NR4A1: variants seen among roughly 807,000 people sequenced by gnomAD.
The protein encoded by NR4A1 is nuclear receptor subfamily 4immunitygroup A member 1.
Under a neutral mutation model 47.5 loss-of-function variants are expected in NR4A1, and 24 were observed. The observed-to-expected ratio is 0.50, with a 90% confidence interval of 0.37 to 0.71. The LOEUF (loss-of-function observed/expected upper bound fraction) is 0.71. Among genes scored for constraint, NR4A1 ranks in the 30% least tolerant of loss-of-function variants. The probability of loss-of-function intolerance (pLI) is 0.00; values close to 1 mark genes in which losing one functional copy is unlikely to be tolerated. For synonymous variants in NR4A1, 353 were observed against 345.7 expected, an observed-to-expected ratio of 1.02 and a Z score of -0.24; for missense variants, 669 against 788.6, an observed-to-expected ratio of 0.85 and a Z score of 1.82.
intron 2 of NR4A1, among the ~76,000 whole-genome samples, chr12:52,042,243 A>C (rs1938467773): frequency 1.3e-5 from 2 of 152,060 alleles, no homozygotes; most frequent in African/African-American, 4.8e-5. Context: ...TGATTCCAGG[A>C]AGCAGATAGG....
At chr12:52,058,518 C>T (rs1939387840) in intron 6 of NR4A1, 170 bp from the exon 7 acceptor site, 1 of 881,284 alleles carries the variant, frequency 1.1e-6, no homozygotes, top group Non-Finnish European at 1.7e-6. Context: ...GTTACTGCTT[C>T]TCAGACTTGT....
intron 1 of NR4A1, chr12:52,038,782 G>T (rs558577828): frequency 2.6e-6 from 2 of 762,410 alleles, no homozygotes; most frequent in African/African-American, 3.4e-5. Flanking sequence ...CGAGATTAAC[G>T]GTGTGAATGT....
At chr12:52,025,426 T>C (rs572491628) in intron 1 of NR4A1, among the ~76,000 whole-genome samples, 5 of 152,106 alleles carry the variant, frequency 3.3e-5, no homozygotes, top group African/African-American at 1.2e-4. Context: ...ACTTTCCCCA[T>C]CTCAGCGCCT....
intron 1 of NR4A1, among the ~76,000 whole-genome samples, chr12:52,023,389 C>A (rs1474558998): frequency 6.6e-6 from 1 of 152,182 alleles, no homozygotes; most frequent in African/African-American, 2.4e-5. Context: ...GGGGTGGGAG[C>A]GCAGAGGGGG....
chr12:52,049,283 A>G (rs1403647512), upstream of NR4A1, among the ~76,000 whole-genome samples: 1 of 152,240 alleles, frequency 6.6e-6, no homozygotes. Flanking sequence ...AAAATCCCCA[A>G]ATCCCCATAT....
chr12:52,028,022 T>C (rs1430250231), intron 1 of NR4A1, among the ~76,000 whole-genome samples: 1 of 151,766 alleles, frequency 6.6e-6, no homozygotes, highest in Non-Finnish European at 1.5e-5. Context: ...GGCAACATGA[T>C]GAAATCCTGT....
chr12:52,057,069 G>T lies in NR4A1; in HGVS notation c.1171G>T (p.Val391Leu), dbSNP rs1417380498. 1 of 1,603,110 alleles carries T rather than the reference G, an allele frequency of 6.2e-7. No individual in the cohort carries two copies. Among genetic ancestry groups the T allele is most frequent in the South Asian group, 1.1e-5 (1 of 89,150 alleles). The change falls in exon 5 of 7, where the codon GTG becomes TTG. Residue 391 changes from valine (V) to leucine (L), a missense_variant. By Grantham distance (32) the Val-to-Leu change is conservative. Transcript: ENST00000394825. ...KLDYSKFQELVLPHFGKEDAG... is the reference protein window; with the variant it reads ...KLDYSKFQELLLPHFGKEDAG... ...ACCGTCTTCCTAGTTCCAGGAGCTGGTGCTGCCCCACTTTGGGAAGGAAGA... is the reference window on the plus strand; with the variant it reads ...ACCGTCTTCCTAGTTCCAGGAGCTGTTGCTGCCCCACTTTGGGAAGGAAGA...
intron 1 of NR4A1, chr12:52,038,374 T>C: frequency 3.9e-6 from 1 of 255,548 alleles, no homozygotes; most frequent in South Asian, 4.3e-5. Flanking sequence ...GCTCATTCCC[T>C]TTTTATGCCT....
At chr12:52,042,155 C>T (rs537877828) in intron 2 of NR4A1, among the ~76,000 whole-genome samples, 3 of 152,018 alleles carry the variant, frequency 2.0e-5, no homozygotes, top group African/African-American at 7.3e-5. Context: ...GCAGGATAGG[C>T]TGGAGGGCTC....
chr12:52,047,762 C>T (rs1198777901), upstream of NR4A1, among the ~76,000 whole-genome samples: 1 of 152,214 alleles, frequency 6.6e-6, no homozygotes, highest in Non-Finnish European at 1.5e-5. Context: ...TATGGGTGGG[C>T]CTACCCCACA....
intron 1 of NR4A1, among the ~76,000 whole-genome samples, chr12:52,029,626 T>C (rs1158902093): frequency 6.6e-6 from 1 of 152,180 alleles, no homozygotes; most frequent in Non-Finnish European, 1.5e-5. Flanking sequence ...AGGCTGAGGC[T>C]GCAATGAGCT....
In NR4A1 at chr12:52,056,096, C is replaced by T. The variant is rs1213245882; in HGVS notation, c.943C>T (p.Arg315Trp). ...ANKDCPVDKR[R>W]RNRCQFCRFQ... Reference sequence around the variant, plus strand: ...CAAGGACTGCCCTGTGGACAAGAGGCGGCGAAACCGCTGCCAGTTCTGCCG... The same window carrying T: ...CAAGGACTGCCCTGTGGACAAGAGGTGGCGAAACCGCTGCCAGTTCTGCCG... Residue 315 changes from arginine to tryptophan, a missense_variant, in exon 3 of 7, where the codon CGG (arginine) becomes TGG (tryptophan). Transcript: ENST00000394825. The T allele has an allele frequency of 6.8e-6, 11 of 1,611,652 alleles. No individual in the cohort carries two copies. The highest frequency in any genetic ancestry group is 1.3e-5 in the African/African-American group (1 of 74,844).
At position 52,051,659 on chromosome 12, in the gene NR4A1, C is replaced by G. The variant is rs1303482606; in HGVS notation, c.-3+91C>G. The stretch of plus-strand genomic sequence containing the variant: ...CGCGGGCAGAGAGGATGTTGTAGGG[C>G]CGGCATGCAAGAGGGTAGGTGTAGT... On this transcript the variant is annotated intron_variant, in intron 1 of 6. Coordinates refer to ENST00000394825, the MANE Select transcript of NR4A1 (RefSeq NM_173157.3). 3.5e-6 allele frequency: 3 copies of G among 869,322 alleles called. No homozygotes were observed. The African/African-American group carries it at 5.5e-5, about 16-fold the overall frequency. The allele number at this position is 869,322 out of a possible 1,614,324, so 53.9% of individuals were successfully genotyped here.
At position 52,056,089 on chromosome 12, in the gene NR4A1, C is replaced by T; in HGVS notation, c.936C>T (p.Asp312=). 6.2e-7 allele frequency: 1 copy of T among 1,611,692 alleles called. No individual in the cohort carries two copies. Among genetic ancestry groups the T allele is most frequent in the Non-Finnish European group, 8.5e-7 (1 of 1,179,024 alleles). ...TGGCTAACAAGGACTGCCCTGTGGA[C>T]AAGAGGCGGCGAAACCGCTGCCAGT... is the stretch of plus-strand genomic sequence containing the variant. The part of the protein sequence containing the change: ...ICLANKDCPV[D]KRRRNRCQFC... The change falls in exon 3 of 7, where the codon GAC becomes GAT. Residue 312 remains aspartate, a synonymous_variant. Transcript: ENST00000394825.
At chr12:52,037,881 C>T (rs1157653786) in intron 1 of NR4A1, 40 of 978,464 alleles carry the variant, frequency 4.1e-5, no homozygotes, top group Non-Finnish European at 4.7e-5. Flanking sequence ...GATTAGGACT[C>T]GGGGCTTGTG....
In NR4A1 at chr12:52,057,586, G is replaced by T. The variant is rs544385932; in HGVS notation, c.1540+56G>T. On this transcript the variant is annotated intron_variant, in intron 6 of 6. Coordinates refer to ENST00000394825, the MANE Select transcript of NR4A1 (RefSeq NM_173157.3). The stretch of plus-strand genomic sequence containing the variant: ...GGAATGGGCGTCAGGGGGTTGACTG[G>T]TTCTCAGGAGGGCACTGTCCCAGGG... 7.5e-5 allele frequency: 120 copies of T among 1,593,458 alleles called. 1 individual carries two copies. The South Asian group carries it at 1.3e-3, about 18-fold the overall frequency.
At chr12:52,042,804 T>C (rs1479500148) in intron 2 of NR4A1, among the ~76,000 whole-genome samples, 1 of 152,200 alleles carries the variant, frequency 6.6e-6, no homozygotes, top group Non-Finnish European at 1.5e-5. Context: ...TAGTCCTGGT[T>C]CTGTGCCTAA....
chr12:52,035,792 A>G (rs1385656482), intron 1 of NR4A1, among the ~76,000 whole-genome samples: 4 of 152,072 alleles, frequency 2.6e-5, no homozygotes. Flanking sequence ...GGATTTGTCC[A>G]GCAAAGGATT....
chr12:52,050,701 G>A (rs1483136104), upstream of NR4A1, among the ~76,000 whole-genome samples: 1 of 152,162 alleles, frequency 6.6e-6, no homozygotes, highest in Non-Finnish European at 1.5e-5. Context: ...ACTGCCTGGA[G>A]GGACTAAGCG....
Sources: gnomAD v4.1 joint callset for allele counts (sites outside exome capture counted in the v4.1 genomes callset) on GRCh38, gnomAD v4.1.1 for gene constraint, MANE v1.5 for transcripts, NCBI Gene and HGNC (gene_info 2026-07-23, HGNC 2026-07-21) for gene names.